The following KAZN variants were observed in gnomAD, a reference collection of about 807,000 sequenced individuals.
The protein encoded by KAZN is kazrin.
Under a neutral mutation model 87.4 loss-of-function variants are expected in KAZN, and 40 were observed. That is an observed-to-expected ratio of 0.46 (90% CI 0.36 to 0.60). KAZN has a LOEUF of 0.60. KAZN is among the 20% of genes least tolerant of loss of function. The pLI, the probability that KAZN is intolerant of heterozygous loss-of-function variation, is 0.00. For missense variants in KAZN, 898 were observed against 1,073.9 expected (o/e 0.84, Z 2.29); for synonymous variants, 466 against 458.3 (o/e 1.02, Z -0.22).
chr1:15,080,416 C>G (rs2137642), intron 8 of KAZN, among the ~76,000 whole-genome samples: 36,517 of 151,850 alleles, frequency 0.24, 6,284 homozygotes, highest in East Asian at 0.73. Context: ...GGTGGCAGGG[C>G]CCCTGCCACC....
At chr1:14,181,819 G>A (rs890640817) in intron 2 of KAZN, among the ~76,000 whole-genome samples, 2 of 152,118 alleles carry the variant, frequency 1.3e-5, no homozygotes, top group South Asian at 2.1e-4. Flanking sequence ...TTCTTGAAAG[G>A]ATTAGCTTTC....
intron 2 of KAZN, among the ~76,000 whole-genome samples, chr1:14,205,502 A>AT (rs1646720368): frequency 6.6e-6 from 1 of 152,144 alleles, no homozygotes; most frequent in African/African-American, 2.4e-5. Context: ...TATTGTAAAG[A>AT]TTTTTTAATG....
At chr1:14,902,512 G>C (rs1186049535) in intron 1 of KAZN, among the ~76,000 whole-genome samples, 1 of 152,204 alleles carries the variant, frequency 6.6e-6, no homozygotes, top group Non-Finnish European at 1.5e-5. Context: ...ACAGGCGTGA[G>C]CCACCGCGCC....
At chr1:14,898,535 A>G (rs1292267846) in intron 1 of KAZN, among the ~76,000 whole-genome samples, 6 of 152,190 alleles carry the variant, frequency 3.9e-5, no homozygotes, top group Non-Finnish European at 8.8e-5. Flanking sequence ...GCAGGACAAG[A>G]GAAAGCAAAG....
At chr1:14,895,581 G>A (rs1655177686) in intron 1 of KAZN, among the ~76,000 whole-genome samples, 1 of 152,224 alleles carries the variant, frequency 6.6e-6, no homozygotes, top group Non-Finnish European at 1.5e-5. Context: ...ATCAGCTGAT[G>A]CGTAACCCAG....
rs367773465 is a variant in KAZN at position 14,090,920 on chromosome 1, TG to T, written c.92-89513del. ...AGAGGTCAGGTGTTCGAGACCAGCC[TG>T]GCCAACATGGTGAAACCCTGTGTCT... On this transcript the variant is annotated intron_variant, in intron 1 of 16. Coordinates refer to the KAZN transcript ENST00000636203. Among the ~76,000 whole-genome samples, 400 of 152,130 alleles carry T rather than the reference TG, an allele frequency of 2.6e-3. 2 individuals carry two copies. The highest frequency in any genetic ancestry group is 9.1e-3 in the African/African-American group (377 of 41,488).
chr1:14,971,575 G>A (rs1665031098), intron 2 of KAZN, among the ~76,000 whole-genome samples: 1 of 151,874 alleles, frequency 6.6e-6, no homozygotes. Context: ...GAGGAAAAGA[G>A]TGAAATAGGG....
At chr1:14,789,524 G>A (rs1354960547) in intron 1 of KAZN, among the ~76,000 whole-genome samples, 9 of 151,858 alleles carry the variant, frequency 5.9e-5, no homozygotes, top group South Asian at 2.1e-4. Context: ...TCCATCTATC[G>A]GGACACCCAC....
intron 1 of KAZN, among the ~76,000 whole-genome samples, chr1:13,981,057 T>A (rs1638639405): frequency 1.4e-5 from 1 of 69,858 alleles, no homozygotes; most frequent in Non-Finnish European, 3.3e-5. Context: ...GGGGCAAAAG[T>A]TGGTTCTTGG....
intron 1 of KAZN, among the ~76,000 whole-genome samples, chr1:14,740,909 G>C (rs1644077111): frequency 6.6e-6 from 1 of 152,192 alleles, no homozygotes; most frequent in African/African-American, 2.4e-5. Flanking sequence ...CCTGGGGAAT[G>C]ACAGACACTT....
At chr1:14,205,980 C>A (rs1197820941) in intron 2 of KAZN, among the ~76,000 whole-genome samples, 1 of 149,358 alleles carries the variant, frequency 6.7e-6, no homozygotes, top group Non-Finnish European at 1.5e-5. Context: ...ATGTAAGAAG[C>A]CTGCATGTTG....
chr1:14,088,913 G>A (rs1405811846), intron 1 of KAZN, among the ~76,000 whole-genome samples: 1 of 145,410 alleles, frequency 6.9e-6, no homozygotes, highest in Non-Finnish European at 1.5e-5. Context: ...AATATTCTCT[G>A]TTCTAAAATT....
chr1:15,114,381 G>A (rs1343263826), intron 14 of KAZN, 90 bp from the exon 15 acceptor site: 2 of 1,033,844 alleles, frequency 1.9e-6, no homozygotes, highest in African/African-American at 3.2e-5. Context: ...CAATCACAGA[G>A]CAATTAGAAT....
chr1:14,884,853 C>T (rs1243427714), intron 1 of KAZN, among the ~76,000 whole-genome samples: 1 of 152,190 alleles, frequency 6.6e-6, no homozygotes, highest in East Asian at 1.9e-4. Flanking sequence ...GTTGTTATCT[C>T]AGAGCCATCA....
intron 2 of KAZN, among the ~76,000 whole-genome samples, chr1:14,522,855 A>C (rs978092046): frequency 7.9e-5 from 12 of 152,200 alleles, no homozygotes; most frequent in African/African-American, 2.9e-4. Flanking sequence ...CAAGCAGCTT[A>C]ATTTCAATCG....
At chr1:14,552,888 C>T (rs1673628550) in intron 2 of KAZN, among the ~76,000 whole-genome samples, 1 of 152,140 alleles carries the variant, frequency 6.6e-6, no homozygotes. Flanking sequence ...GTGACTCCAG[C>T]TTGTGTGAGA....
intron 2 of KAZN, among the ~76,000 whole-genome samples, chr1:14,211,153 G>T (rs1557563467): frequency 6.6e-6 from 1 of 152,162 alleles, no homozygotes; most frequent in Non-Finnish European, 1.5e-5. Context: ...TTGCAGAGAA[G>T]TCTTTGGATT....
intron 1 of KAZN, among the ~76,000 whole-genome samples, chr1:14,615,416 C>T (rs1459504469): frequency 1.3e-5 from 2 of 152,120 alleles, no homozygotes; most frequent in African/African-American, 2.4e-5. Flanking sequence ...TTATTTCAAG[C>T]CAGGAGTTCG....
intron 1 of KAZN, among the ~76,000 whole-genome samples, chr1:14,149,745 T>C (rs1645433878): frequency 1.3e-5 from 2 of 152,296 alleles, no homozygotes; most frequent in African/African-American, 2.4e-5. Flanking sequence ...TATAAATAAG[T>C]ATGAGTCCAT....
Sources: gnomAD v4.1 joint callset for allele counts (sites outside exome capture counted in the v4.1 genomes callset) on GRCh38, gnomAD v4.1.1 for gene constraint, MANE v1.5 for transcripts, NCBI Gene and HGNC (gene_info 2026-07-23, HGNC 2026-07-21) for gene names.